The following CADM2 variants were observed in gnomAD, a reference collection of about 807,000 sequenced individuals.
The protein encoded by CADM2 is cell adhesion molecule 2.
CADM2 carries 12 observed loss-of-function variants against 49.8 expected under a neutral mutation model. The ratio of observed to expected loss-of-function variants is 0.24; its 90% CI spans 0.15 to 0.39. CADM2 has a LOEUF of 0.39. Among genes scored for constraint, CADM2 ranks in the 10% least tolerant of loss-of-function variants. CADM2 has a pLI of 1.00. For missense variants in CADM2, 378 were observed against 492.3 expected, an observed-to-expected ratio of 0.77 and a Z score of 2.20; for synonymous variants, 214 against 175.4, an observed-to-expected ratio of 1.22 and a Z score of -1.74.
chr3:85,196,097 A>G (rs944292684), intron 1 of CADM2, among the ~76,000 whole-genome samples: 4 of 152,138 alleles, frequency 2.6e-5, no homozygotes, highest in Admixed American at 2.6e-4. Context: ...TTTACTTAGT[A>G]TTAGTGATTT....
chr3:85,803,588 C>A (rs866432266), intron 3 of CADM2, among the ~76,000 whole-genome samples: 1 of 151,928 alleles, frequency 6.6e-6, no homozygotes, highest in East Asian at 1.9e-4. Flanking sequence ...TGGGGTCTGG[C>A]AAGTTTGAAA....
At chr3:86,066,611 TG>T in intron 9 of CADM2, 53 bp from the exon 10 acceptor site, 1 of 1,293,848 alleles carries the variant, frequency 7.7e-7, no homozygotes, top group Non-Finnish European at 1.1e-6. Context: ...GCTTTAATGC[TG>T]GGTATTTTAC....
At chr3:85,566,731 A>G (rs1232321295) in intron 1 of CADM2, among the ~76,000 whole-genome samples, 3 of 152,156 alleles carry the variant, frequency 2.0e-5, no homozygotes, top group African/African-American at 7.2e-5. Context: ...AGAGATTACA[A>G]ACTTGCAGCA....
intron 1 of CADM2, among the ~76,000 whole-genome samples, chr3:85,585,330 C>T (rs1037148637): frequency 6.6e-6 from 1 of 151,742 alleles, no homozygotes; most frequent in African/African-American, 2.4e-5. Flanking sequence ...ATATGCCAAA[C>T]AGAAGCCATA....
Position 85,883,412 on chromosome 3 carries a change from C to A in CADM2, c.360C>A (p.Val120=). Residue 120 remains valine, a synonymous_variant, in exon 4 of 10, where the codon GTC becomes GTA. Coordinates refer to ENST00000383699, the MANE Select transcript of CADM2 (RefSeq NM_001167675.2). ...QYTCSLFTMP[V]KTSKAYLTVL... ...CCTGTTCTTTATTTACAATGCCTGT[C>A]AAAACTTCCAAGGCATATCTCACCG... is the stretch of plus-strand genomic sequence containing the variant. 2 of 1,613,590 alleles carry A rather than the reference C, an allele frequency of 1.2e-6. No homozygotes were observed. The highest frequency in any genetic ancestry group is 1.7e-6 in the Non-Finnish European group (2 of 1,179,700).
At chr3:85,035,825 T>C (rs890723061) in intron 1 of CADM2, among the ~76,000 whole-genome samples, 34 of 152,174 alleles carry the variant, frequency 2.2e-4, no homozygotes, top group Non-Finnish European at 4.4e-4. Flanking sequence ...TTTTATGAAA[T>C]CTACTTTTTG....
chr3:85,066,233 G>C (rs1300995600), intron 1 of CADM2, among the ~76,000 whole-genome samples: 1 of 151,898 alleles, frequency 6.6e-6, no homozygotes, highest in Non-Finnish European at 1.5e-5. Context: ...GAGAAGTAGA[G>C]TTATCAGGAA....
chr3:85,321,448 G>A (rs1438021308), intron 1 of CADM2, among the ~76,000 whole-genome samples: 1 of 151,738 alleles, frequency 6.6e-6, no homozygotes, highest in Admixed American at 6.6e-5. Context: ...TCCTCCCAAA[G>A]TGCTGGGATT....
intron 1 of CADM2, among the ~76,000 whole-genome samples, chr3:85,318,437 C>T (rs2044521804): frequency 6.6e-6 from 1 of 151,908 alleles, no homozygotes; most frequent in Non-Finnish European, 1.5e-5. Flanking sequence ...ACACTTCGTC[C>T]TAAACAGAAT....
intron 1 of CADM2, among the ~76,000 whole-genome samples, chr3:85,330,790 C>A (rs1269341067): frequency 9.3e-6 from 1 of 107,472 alleles, no homozygotes; most frequent in African/African-American, 3.2e-5. Flanking sequence ...GACTCCATCT[C>A]TCCAAAAAAA....
chr3:85,502,092 A>C (rs2040142203), intron 1 of CADM2, among the ~76,000 whole-genome samples: 1 of 152,208 alleles, frequency 6.6e-6, no homozygotes, highest in South Asian at 2.1e-4. Context: ...CATCACAATG[A>C]AACTTTATTA....
chr3:85,413,138 C>CAAAAAAAAAAAAA (rs397973777), intron 1 of CADM2, among the ~76,000 whole-genome samples: 8 of 17,112 alleles, frequency 4.7e-4, no homozygotes, highest in African/African-American at 1.3e-3. Flanking sequence ...GACTCCGTCT[C>CAAAAAAAAAAAAA]AAAAAAAAAA....
intron 2 of CADM2, among the ~76,000 whole-genome samples, chr3:85,777,092 A>G (rs748898358): frequency 3.7e-4 from 56 of 152,158 alleles, no homozygotes; most frequent in Admixed American, 3.6e-3. Flanking sequence ...ATAAATATGC[A>G]TAGTATTTCT....
chr3:85,468,994 A>C (rs561801818), intron 1 of CADM2, among the ~76,000 whole-genome samples: 1 of 152,286 alleles, frequency 6.6e-6, no homozygotes, highest in Non-Finnish European at 1.5e-5. Context: ...ATGGGGAGGG[A>C]AAATAATTAC....
At chr3:85,439,737 A>T (rs1334529060) in intron 1 of CADM2, among the ~76,000 whole-genome samples, 1 of 152,000 alleles carries the variant, frequency 6.6e-6, no homozygotes, top group Non-Finnish European at 1.5e-5. Flanking sequence ...ATCTTCATAG[A>T]TTTTATACAA....
intron 1 of CADM2, among the ~76,000 whole-genome samples, chr3:85,018,143 ATG>A (rs970420835): frequency 9.2e-5 from 14 of 152,138 alleles, no homozygotes; most frequent in African/African-American, 3.4e-4. Flanking sequence ...GTGTGTCTGT[ATG>A]TACCTGTGAT....
intron 1 of CADM2, among the ~76,000 whole-genome samples, chr3:85,619,390 G>A (rs916537218): frequency 6.6e-6 from 1 of 151,598 alleles, no homozygotes; most frequent in African/African-American, 2.4e-5. Context: ...AATGAAAGGG[G>A]GAAAGAAGGA....
chr3:84,969,105 T>C (rs2031225051), intron 1 of CADM2, among the ~76,000 whole-genome samples: 1 of 151,994 alleles, frequency 6.6e-6, no homozygotes, highest in Admixed American at 6.6e-5. Flanking sequence ...TTATATTACA[T>C]GAGTATGAGA....
chr3:85,735,948 T>G (rs952598924), intron 2 of CADM2, among the ~76,000 whole-genome samples: 2 of 152,078 alleles, frequency 1.3e-5, no homozygotes, highest in African/African-American at 4.8e-5. Flanking sequence ...GTTCTACACT[T>G]TAGATAAACT....
Sources: allele counts gnomAD v4.1 joint callset (sites outside exome capture counted in the v4.1 genomes callset), GRCh38; gene constraint gnomAD v4.1.1; transcripts MANE v1.5; gene names NCBI Gene and HGNC (gene_info 2026-07-23, HGNC 2026-07-21).